Variants in RHOU observed in about 807,000 individuals in gnomAD.
RHOU encodes the protein rho-related GTP-binding protein RhoU.
RHOU carries 8 observed loss-of-function variants against 12.6 expected under a neutral mutation model. The observed-to-expected ratio is 0.64, with a 90% CI of 0.37 to 1.15. The LOEUF (loss-of-function observed/expected upper bound fraction) is 1.15. Ranked by LOEUF, RHOU falls within the 50% of genes most tolerant of loss-of-function variation. RHOU has a pLI of 0.01. For synonymous variants in RHOU, 161 were observed against 147.4 expected, an observed-to-expected ratio of 1.09 and a Z score of -0.67; for missense variants, 258 against 347.0, an observed-to-expected ratio of 0.74 and a Z score of 2.04.
chr1:228,727,494 A>G, the RHOU span, among the ~76,000 whole-genome samples: 3 of 151,972 alleles, frequency 2.0e-5, no homozygotes, highest in Non-Finnish European at 4.4e-5. Context: ...ATTTTTTTGT[A>G]GAGACGAGGT....
the RHOU span, among the ~76,000 whole-genome samples, chr1:228,646,568 C>A: frequency 5.0e-4 from 64 of 127,650 alleles, no homozygotes; most frequent in Non-Finnish European, 8.0e-4. Flanking sequence ...GGTCGCTTGT[C>A]CCGACCAAGA....
the RHOU span, among the ~76,000 whole-genome samples, chr1:228,694,410 G>A: frequency 2.6e-5 from 4 of 152,236 alleles, no homozygotes; most frequent in Admixed American, 6.5e-5. Context: ...GTGGTTTGCT[G>A]CACAGGTCAT....
At chr1:228,658,755 CAG>C in the RHOU span, among the ~76,000 whole-genome samples, 10 of 152,288 alleles carry the variant, frequency 6.6e-5, no homozygotes, top group African/African-American at 2.4e-4. Flanking sequence ...AAAATCCACA[CAG>C]AGTCAAGTCC....
the RHOU span, among the ~76,000 whole-genome samples, chr1:228,669,921 A>G: frequency 6.6e-6 from 1 of 152,234 alleles, no homozygotes; most frequent in African/African-American, 2.4e-5. Flanking sequence ...AAGAACGACC[A>G]CAAGAATATA....
At chr1:228,661,189 G>T in the RHOU span, among the ~76,000 whole-genome samples, 1 of 152,036 alleles carries the variant, frequency 6.6e-6, no homozygotes, top group South Asian at 2.1e-4. Context: ...TAAAGGAGGA[G>T]ACAAACAAAT....
At chr1:228,700,934 A>G in the RHOU span, among the ~76,000 whole-genome samples, 1 of 151,932 alleles carries the variant, frequency 6.6e-6, no homozygotes, top group Non-Finnish European at 1.5e-5. Context: ...AAAAAACACA[A>G]AAAAATTAGC....
the RHOU span, among the ~76,000 whole-genome samples, chr1:228,672,806 A>C: frequency 6.6e-6 from 1 of 152,132 alleles, no homozygotes; most frequent in African/African-American, 2.4e-5. Context: ...GTTTTGTCTT[A>C]CTGTGTTACT....
At chr1:228,652,021 C>G in the RHOU span, among the ~76,000 whole-genome samples, 1 of 151,692 alleles carries the variant, frequency 6.6e-6, no homozygotes, top group Non-Finnish European at 1.5e-5. Context: ...TCCTCACTGA[C>G]CTTGGACTTT....
the RHOU span, among the ~76,000 whole-genome samples, chr1:228,677,429 TTA>T: frequency 1.3e-5 from 2 of 152,204 alleles, no homozygotes; most frequent in African/African-American, 4.8e-5. Context: ...TGAGTTTTTT[TTA>T]TGTTGTCATA....
At chr1:228,660,371 T>G in the RHOU span, among the ~76,000 whole-genome samples, 26 of 150,978 alleles carry the variant, frequency 1.7e-4, no homozygotes, top group African/African-American at 5.6e-4. Context: ...AAAAAAAGCC[T>G]TGGACTTGAC....
chr1:228,685,132 G>A, the RHOU span, among the ~76,000 whole-genome samples: 9 of 152,324 alleles, frequency 5.9e-5, no homozygotes, highest in Admixed American at 1.3e-4. Context: ...TGGTAGGAGC[G>A]TAGCAGTGAG....
At chr1:228,676,237 C>T in the RHOU span, among the ~76,000 whole-genome samples, 1 of 151,890 alleles carries the variant, frequency 6.6e-6, no homozygotes, top group Non-Finnish European at 1.5e-5. Flanking sequence ...TTCCAAAGCA[C>T]TGAGATTACA....
the RHOU span, among the ~76,000 whole-genome samples, chr1:228,675,697 G>C: frequency 6.6e-6 from 1 of 152,136 alleles, no homozygotes. Flanking sequence ...AATGCTCACT[G>C]CTGCTATAAT....
the RHOU span, among the ~76,000 whole-genome samples, chr1:228,729,742 C>T: frequency 6.6e-6 from 1 of 152,178 alleles, no homozygotes; most frequent in South Asian, 2.1e-4. Flanking sequence ...TAGTATAAAA[C>T]AACATAAACA....
In RHOU at chr1:228,737,821, G is replaced by GC; in HGVS notation, c.321+90_321+91insC. ...CTTTGATTCCCTCAGTCAGTAACTG[G>GC]GTCATTCTAAAGCCTCATGAAGTGG... On this transcript the variant is annotated intron_variant, in intron 2 of 2. Coordinates refer to ENST00000366691, the MANE Select transcript of RHOU (RefSeq NM_021205.6). The surrounding 1 kb of genome is among the most constrained non-coding windows in gnomAD (Gnocchi z 4.1). 2.9e-6 allele frequency: 4 copies of GC among 1,402,068 alleles called. No homozygotes were observed. The highest frequency in any genetic ancestry group is 4.0e-6 in the Non-Finnish European group (4 of 995,408). The allele number at this position is 1,402,068 out of a possible 1,614,324, so 86.9% of individuals were successfully genotyped here. A position where few individuals can be genotyped will look rare whatever the true frequency, so the allele number is the denominator to read the frequency against.
chr1:228,661,445 G>A, the RHOU span, among the ~76,000 whole-genome samples: 1 of 152,168 alleles, frequency 6.6e-6, no homozygotes, highest in Admixed American at 6.5e-5. Flanking sequence ...CAAGGCTACA[G>A]TAACCAAACA....
chr1:228,669,573 T>C, the RHOU span, among the ~76,000 whole-genome samples: 13 of 152,352 alleles, frequency 8.5e-5, no homozygotes, highest in African/African-American at 2.6e-4. Context: ...TTAAGCCATG[T>C]CGCTGGTTAA....
At chr1:228,647,095 G>A in the RHOU span, among the ~76,000 whole-genome samples, 10 of 152,190 alleles carry the variant, frequency 6.6e-5, no homozygotes, top group Admixed American at 4.6e-4. Context: ...ACCCTACTTC[G>A]GTAGGCAGCC....
chr1:228,692,063 GTA>G, the RHOU span, among the ~76,000 whole-genome samples: 1 of 152,100 alleles, frequency 6.6e-6, no homozygotes, highest in Non-Finnish European at 1.5e-5. Flanking sequence ...ACTTTAGGCT[GTA>G]ATTATGTACG....
Sources: gnomAD v4.1 joint callset for allele counts (sites outside exome capture counted in the v4.1 genomes callset) on GRCh38, gnomAD v4.1.1 for gene constraint, Gnocchi (gnomAD v3.1) non-coding constraint, MANE v1.5 for transcripts, NCBI Gene and HGNC (gene_info 2026-07-23, HGNC 2026-07-21) for gene names.